FAM151B: variants seen among roughly 807,000 people sequenced by gnomAD.
The protein encoded by FAM151B is family with sequence similarity 151 member B, also known as protein FAM151B.
In FAM151B, 24 loss-of-function variants were observed where a neutral mutation model predicts 31.2. The ratio of observed to expected loss-of-function variants is 0.77; its 90% CI spans 0.56 to 1.08. The LOEUF (loss-of-function observed/expected upper bound fraction) is 1.08, where lower values mean the gene tolerates loss of function less well. Ranked by LOEUF, FAM151B falls within the 50% of genes least tolerant of loss-of-function variation. The pLI is 0.00. For synonymous variants in FAM151B, 105 were observed against 111.4 expected (o/e 0.94, Z 0.36); for missense variants, 293 against 328.6 (o/e 0.89, Z 0.84).
rs1382905115 is a variant in FAM151B, at chr5:80,512,634, C to A, written c.152-970C>A. Among the ~76,000 whole-genome samples the A allele has an allele frequency of 2.0e-5, 3 of 150,850 alleles. No homozygotes were observed. In the East Asian group the frequency reaches 5.8e-4, roughly 29 times the overall value. On this transcript the variant is annotated intron_variant, in intron 2 of 5. Transcript: ENST00000282226. ...TACAACAGATATTTTTTAAAAAAAT[C>A]AGCTGGGCATGGTGGCACACACCTG...
At chr5:80,527,629 C>T (rs1009323242) in intron 5 of FAM151B, among the ~76,000 whole-genome samples, 8 of 151,954 alleles carry the variant, frequency 5.3e-5, no homozygotes, top group Non-Finnish European at 1.2e-4. Flanking sequence ...ATAAACATAT[C>T]TAAACATAGA....
In FAM151B at chr5:80,542,494, G is replaced by A. The variant is rs1745939073; in HGVS notation, c.*662G>A. The A allele has an allele frequency of 1.3e-5, 2 of 151,760 alleles. No individual in the cohort carries two copies. The highest frequency in any genetic ancestry group is 6.6e-5 in the Admixed American group (1 of 15,248). 9.4% of individuals were successfully genotyped at this position (151,760 alleles called of 1,614,324 possible). A position where few individuals can be genotyped will look rare whatever the true frequency, so the allele number is the denominator to read the frequency against. On this transcript the variant is annotated 3_prime_UTR_variant, in exon 6 of 6. Coordinates refer to ENST00000282226, the MANE Select transcript of FAM151B (RefSeq NM_205548.3). The stretch of plus-strand genomic sequence containing the variant: ...TTTTAGTCTTTGTTATGTATCATTT[G>A]TTTTCCAAGTTTCTTACTGCCACCA...
At position 80,514,505 on chromosome 5, in the gene FAM151B, A is replaced by G. The variant is rs955609512; in HGVS notation, c.317+736A>G. 1.4e-3 allele frequency among the ~76,000 whole-genome samples: 205 copies of G among 148,454 alleles called. 2 individuals are homozygous for G. Among genetic ancestry groups the G allele is most frequent in the African/African-American group, 4.9e-3 (199 of 40,838 alleles). On this transcript the variant is annotated intron_variant, in intron 3 of 5. Coordinates refer to ENST00000282226, the MANE Select transcript of FAM151B (RefSeq NM_205548.3). ...AATAATAATAATAATAATAATAATA[A>G]TAATAATAATAATAATATTTGGAGG...
At chr5:80,518,177 C>A (rs1272080597) in intron 3 of FAM151B, among the ~76,000 whole-genome samples, 1 of 151,950 alleles carries the variant, frequency 6.6e-6, no homozygotes, top group Non-Finnish European at 1.5e-5. Flanking sequence ...GCCTAAAAGG[C>A]TCCCTCCTGA....
At chr5:80,488,944 C>T (rs977517610) in intron 1 of FAM151B, among the ~76,000 whole-genome samples, 1 of 151,930 alleles carries the variant, frequency 6.6e-6, no homozygotes, top group Non-Finnish European at 1.5e-5. Flanking sequence ...AAAAAAAAAT[C>T]CCCCAAATGC....
chr5:80,505,207 G>C (rs1743906079), intron 2 of FAM151B, among the ~76,000 whole-genome samples: 1 of 151,850 alleles, frequency 6.6e-6, no homozygotes, highest in Non-Finnish European at 1.5e-5. Context: ...ATTTTTTGTA[G>C]AGAGTCTGGT....
At position 80,488,136 on chromosome 5, in the gene FAM151B, G is replaced by C. The variant is rs1161052100; in HGVS notation, c.13G>C (p.Ala5Pro). Reference sequence around the variant, plus strand: ...GGGCGTCGTCACCATGGCAGCATCCGCTGGAGGCCCAGGTAAGCGCCGAGC... The same window carrying C: ...GGGCGTCGTCACCATGGCAGCATCCCCTGGAGGCCCAGGTAAGCGCCGAGC... MAAS[A>P]GGPGSWSENI... Residue 5 changes from alanine (A) to proline (P), a missense_variant, in exon 1 of 6, where the codon GCT (alanine) becomes CCT (proline). Physicochemically the swap from Ala to Pro is conservative, Grantham distance 27. Coordinates refer to ENST00000282226, the MANE Select transcript of FAM151B (RefSeq NM_205548.3). 1 of 1,543,228 alleles carries C rather than the reference G, an allele frequency of 6.5e-7. No homozygotes were observed.
chr5:80,500,370 T>A (rs1387063664), intron 1 of FAM151B: 1 of 1,208,414 alleles, frequency 8.3e-7, no homozygotes, highest in East Asian at 2.3e-5. Context: ...GTTCCTGCTG[T>A]GCCAGAAACC....
At chr5:80,489,555 G>A (rs1207614728) in intron 1 of FAM151B, among the ~76,000 whole-genome samples, 1 of 152,138 alleles carries the variant, frequency 6.6e-6, no homozygotes, top group Non-Finnish European at 1.5e-5. Context: ...ATCGATGCAA[G>A]GTTTACAAAA....
Position 80,519,676 on chromosome 5 carries a change from A to G in FAM151B, c.318-17A>G. 1 of 1,608,276 alleles carries G rather than the reference A, an allele frequency of 6.2e-7. No individual in the cohort carries two copies. Among genetic ancestry groups the G allele is most frequent in the Non-Finnish European group, 8.5e-7 (1 of 1,176,366 alleles). ...ACCTAAAGAATCTATCTCATTGACA[A>G]CAAATTATGTTTTTAGTCTGGCAGT... On this transcript the variant is annotated splice_polypyrimidine_tract_variant and intron_variant, in intron 3 of 5. Coordinates refer to ENST00000282226, the MANE Select transcript of FAM151B (RefSeq NM_205548.3).
intron 5 of FAM151B, among the ~76,000 whole-genome samples, chr5:80,531,679 A>G (rs1745251307): frequency 6.6e-6 from 1 of 152,204 alleles, no homozygotes; most frequent in Non-Finnish European, 1.5e-5. Context: ...CATCAAAACC[A>G]CAATGAGAAA....
At chr5:80,538,001 T>C (rs1388878346) in intron 5 of FAM151B, among the ~76,000 whole-genome samples, 1 of 152,128 alleles carries the variant, frequency 6.6e-6, no homozygotes, top group East Asian at 1.9e-4. Flanking sequence ...TTAGTTTCTT[T>C]ATACATATAA....
chr5:80,502,743 G>A (rs1027165945), intron 2 of FAM151B, among the ~76,000 whole-genome samples: 1 of 152,160 alleles, frequency 6.6e-6, no homozygotes, highest in African/African-American at 2.4e-5. Flanking sequence ...TATTATAAAA[G>A]TGTATGCATT....
chr5:80,509,280 A>G (rs532215341), intron 2 of FAM151B, among the ~76,000 whole-genome samples: 2 of 152,044 alleles, frequency 1.3e-5, no homozygotes, highest in East Asian at 3.9e-4. Flanking sequence ...CTCTGGCTTC[A>G]TGTTGAAATT....
intron 5 of FAM151B, among the ~76,000 whole-genome samples, chr5:80,527,071 G>T (rs1580448250): frequency 6.6e-6 from 1 of 152,124 alleles, no homozygotes; most frequent in African/African-American, 2.4e-5. Context: ...ATTCTGCAAA[G>T]ATCCTGCAGA....
chr5:80,496,362 A>G (rs974939864), intron 1 of FAM151B, among the ~76,000 whole-genome samples: 4 of 152,228 alleles, frequency 2.6e-5, no homozygotes, highest in Non-Finnish European at 5.9e-5. Flanking sequence ...TTTTAGCAAT[A>G]AAGTATTTTA....
At chr5:80,503,037 A>T (rs2112608908) in intron 2 of FAM151B, among the ~76,000 whole-genome samples, 1 of 152,306 alleles carries the variant, frequency 6.6e-6, no homozygotes, top group African/African-American at 2.4e-5. Flanking sequence ...ATTTTTCTAG[A>T]ATTAGAGAGT....
intron 5 of FAM151B, 22 bp from the exon 6 acceptor site, chr5:80,541,651 A>G: frequency 6.2e-7 from 1 of 1,610,048 alleles, no homozygotes; most frequent in South Asian, 1.1e-5. Context: ...TAACTGTATA[A>G]TTCTGTTTTA....
At chr5:80,498,198 A>G (rs952267741) in intron 1 of FAM151B, among the ~76,000 whole-genome samples, 1 of 152,258 alleles carries the variant, frequency 6.6e-6, no homozygotes, top group African/African-American at 2.4e-5. Context: ...AATATTTTAA[A>G]GAATGATGGC....
Sources: gnomAD v4.1 joint callset for allele counts (sites outside exome capture counted in the v4.1 genomes callset) on GRCh38, gnomAD v4.1.1 for gene constraint, MANE v1.5 for transcripts, NCBI Gene and HGNC (gene_info 2026-07-23, HGNC 2026-07-21) for gene names.